Variants in PRDM16 observed in about 807,000 individuals in gnomAD.
PRDM16 encodes histone-lysine N-methyltransferase PRDM16.
A neutral mutation model predicts 110.6 loss-of-function variants in PRDM16; 23 were observed. That is an observed-to-expected ratio of 0.21 (90% CI 0.15 to 0.29). The LOEUF (loss-of-function observed/expected upper bound fraction) is 0.29, where lower values mean the gene tolerates loss of function less well. Ranked by LOEUF, PRDM16 falls within the 10% of genes least tolerant of loss-of-function variation. The probability of loss-of-function intolerance (pLI) is 1.00; values close to 1 mark genes in which losing one functional copy is unlikely to be tolerated. For synonymous variants in PRDM16, 799 were observed against 781.8 expected (o/e 1.02, Z -0.37); for missense variants, 1,615 against 1,794.3 (o/e 0.90, Z 1.81).
rs141816402 is a variant in PRDM16, at chr1:3,180,849, C to G, written c.38-5276C>G. Among the ~76,000 whole-genome samples the G allele has an allele frequency of 1.0e-3, 154 of 149,032 alleles. 1 individual carries two copies. Among genetic ancestry groups the G allele is most frequent in the African/African-American group, 3.8e-3 (150 of 39,548 alleles). ...CCCAACAGGGCCCTCTGCTTACACA[C>G]GCAGTCTTACGCACGGCCTTACACA... On this transcript the variant is annotated intron_variant, in intron 1 of 16. Coordinates refer to ENST00000270722, the MANE Select transcript of PRDM16 (RefSeq NM_022114.4).
chr1:3,235,911 G>A lies in PRDM16; in HGVS notation c.388-8176G>A, dbSNP rs145416291. ...CATCGAGCATGGCGGGGGAGTGGGG[G>A]TTGTGTGGTGGAGGAGCTGCGTCTT... On this transcript the variant is annotated intron_variant, in intron 2 of 16. Transcript: ENST00000270722. 7.6e-4 allele frequency among the ~76,000 whole-genome samples: 115 copies of A among 152,238 alleles called. 1 individual carries two copies. Among genetic ancestry groups the A allele is most frequent in the African/African-American group, 2.7e-3 (111 of 41,540 alleles).
chr1:3,204,541 G>A (rs1638709236), intron 2 of PRDM16, among the ~76,000 whole-genome samples: 7 of 152,180 alleles, frequency 4.6e-5, no homozygotes, highest in Admixed American at 4.6e-4. Flanking sequence ...TGTCCCAGGG[G>A]AGCCCGTGGC....
rs902075445 is a variant in PRDM16 at position 3,209,535 on chromosome 1, T to A, written c.387+23061T>A. Reference sequence around the variant, plus strand: ...ATAGGCCTCGCTGGGAGGCCGTGGTTCTGCTCCTGCACATTTCCAAAGGAA... The same window carrying A: ...ATAGGCCTCGCTGGGAGGCCGTGGTACTGCTCCTGCACATTTCCAAAGGAA... On this transcript the variant is annotated intron_variant, in intron 2 of 16. Transcript: ENST00000270722. This position sits in a 1 kb window ranked among gnomAD's most constrained non-coding sequence, Gnocchi z 4.6. 2.0e-5 allele frequency among the ~76,000 whole-genome samples: 3 copies of A among 152,180 alleles called. No individual in the cohort carries two copies. Among genetic ancestry groups the A allele is most frequent in the Non-Finnish European group, 4.4e-5 (3 of 68,014 alleles).
At position 3,243,052 on chromosome 1, in the gene PRDM16, G is replaced by A. The variant is rs185642037; in HGVS notation, c.388-1035G>A. Among the ~76,000 whole-genome samples, 1 of 152,294 alleles carries A rather than the reference G, an allele frequency of 6.6e-6. No individual in the cohort carries two copies. Among genetic ancestry groups the A allele is most frequent in the Non-Finnish European group, 1.5e-5 (1 of 68,024 alleles). On this transcript the variant is annotated intron_variant, in intron 2 of 16. Coordinates refer to ENST00000270722, the MANE Select transcript of PRDM16 (RefSeq NM_022114.4). This position sits in a 1 kb window ranked among gnomAD's most constrained non-coding sequence, Gnocchi z 5.5. ...TGGCTTTTAAGAGGAGACACCCGGC[G>A]AAATGCTCTCCAGAGCCAAAGAACG...
At position 3,175,720 on chromosome 1, in the gene PRDM16, G is replaced by A. The variant is rs375162406; in HGVS notation, c.38-10405G>A. 3.9e-5 allele frequency among the ~76,000 whole-genome samples: 6 copies of A among 152,262 alleles called. No individual in the cohort carries two copies. The highest frequency in any genetic ancestry group is 1.2e-4 in the African/African-American group (5 of 41,538). Reference sequence around the variant, plus strand: ...CATGGGTGCAGGGAGGGTGACAGCCGGTCAGCCCTGAAGAAGCAGCAGAGA... The same window carrying A: ...CATGGGTGCAGGGAGGGTGACAGCCAGTCAGCCCTGAAGAAGCAGCAGAGA... On this transcript the variant is annotated intron_variant, in intron 1 of 16. Transcript: ENST00000270722. The surrounding 1 kb of genome is among the most constrained non-coding windows in gnomAD (Gnocchi z 4.8).
intron 3 of PRDM16, among the ~76,000 whole-genome samples, chr1:3,377,221 A>G (rs1479751347): frequency 1.3e-5 from 2 of 152,166 alleles, no homozygotes; most frequent in Non-Finnish European, 1.5e-5. Flanking sequence ...GGTGGACTCC[A>G]TGGCCATGGG....
At chr1:3,254,511 C>G (rs958267755) in intron 3 of PRDM16, among the ~76,000 whole-genome samples, 2 of 151,846 alleles carry the variant, frequency 1.3e-5, no homozygotes, top group African/African-American at 4.8e-5. Flanking sequence ...TCTTATATAC[C>G]AATAACAGAC....
chr1:3,410,758 C>T (rs569652117), intron 8 of PRDM16, among the ~76,000 whole-genome samples: 73 of 152,224 alleles, frequency 4.8e-4, no homozygotes, highest in African/African-American at 1.7e-3. Flanking sequence ...AAAGTGAAGA[C>T]GAAGGCAGGG....
chr1:3,411,344 A>T (rs1643682676), intron 8 of PRDM16, 40 bp from the exon 9 acceptor site: 1 of 1,568,758 alleles, frequency 6.4e-7, no homozygotes, highest in East Asian at 2.3e-5. Flanking sequence ...TTTCCCGGTC[A>T]TTTCATGCGG....
chr1:3,077,270 T>C (rs1292032997), intron 1 of PRDM16, among the ~76,000 whole-genome samples: 1 of 152,170 alleles, frequency 6.6e-6, no homozygotes, highest in African/African-American at 2.4e-5. Context: ...GCATCCCACA[T>C]CAGCCCCAGA....
intron 1 of PRDM16, among the ~76,000 whole-genome samples, chr1:3,082,996 C>T (rs1245080702): frequency 1.3e-5 from 2 of 152,184 alleles, no homozygotes; most frequent in Non-Finnish European, 2.9e-5. Context: ...AGATCGAGCC[C>T]CCCTGCTGGG....
chr1:3,412,947 G>A lies in PRDM16; in HGVS notation c.2603+147G>A, dbSNP rs986674169. 2.8e-5 allele frequency: 19 copies of A among 677,930 alleles called. No individual in the cohort carries two copies. The East Asian group carries it at 6.1e-4, about 22-fold the overall frequency. The allele number at this position is 677,930 out of a possible 1,614,324, so 42.0% of individuals were successfully genotyped here. On this transcript the variant is annotated intron_variant, in intron 9 of 16. Coordinates refer to ENST00000270722, the MANE Select transcript of PRDM16 (RefSeq NM_022114.4). The stretch of plus-strand genomic sequence containing the variant: ...ACTTCAGGAAGATGCCCCTGTTCTT[G>A]GGGGGGTCTGCACCCCTCAGGAGGG...
chr1:3,308,183 C>T (rs950285527), intron 3 of PRDM16: 2 of 152,288 alleles, frequency 1.3e-5, no homozygotes, highest in Non-Finnish European at 2.9e-5. Flanking sequence ...GGAAATCAGA[C>T]ACCAGTGTCT....
intron 1 of PRDM16, among the ~76,000 whole-genome samples, chr1:3,082,557 C>T (rs1642054432): frequency 1.3e-5 from 2 of 152,192 alleles, no homozygotes; most frequent in Admixed American, 1.3e-4. Context: ...AGAGCTGAGG[C>T]TGGGGGTGCA....
At chr1:3,185,774 C>CAGCT (rs1172512632) in intron 1 of PRDM16, among the ~76,000 whole-genome samples, 1 of 152,246 alleles carries the variant, frequency 6.6e-6, no homozygotes, top group Non-Finnish European at 1.5e-5. Flanking sequence ...AAGGCACAGG[C>CAGCT]AGCTCCTTCC....
At chr1:3,256,809 A>T (rs1424616007) in intron 3 of PRDM16, among the ~76,000 whole-genome samples, 1 of 152,168 alleles carries the variant, frequency 6.6e-6, no homozygotes, top group Non-Finnish European at 1.5e-5. Flanking sequence ...GTGAGCCGAG[A>T]TGGCACCACT....
chr1:3,340,264 C>T (rs976291912), intron 3 of PRDM16, among the ~76,000 whole-genome samples: 1 of 152,054 alleles, frequency 6.6e-6, no homozygotes, highest in Non-Finnish European at 1.5e-5. Context: ...ACCCCACGAG[C>T]CCACCCTCCA....
At chr1:3,172,790 G>A (rs531645677) in intron 1 of PRDM16, among the ~76,000 whole-genome samples, 2 of 152,356 alleles carry the variant, frequency 1.3e-5, no homozygotes, top group Non-Finnish European at 2.9e-5. Context: ...GGGGCTGGGG[G>A]AGGGGATGGA....
chr1:3,350,332 A>T lies in PRDM16; in HGVS notation c.439-34820A>T, dbSNP rs1005152315. Reference sequence around the variant, plus strand: ...GAGAGTGAGACCCTGTCTCAAAAAAATGAAAAGAAAAGATCTGGAAGTGGG... The same window carrying T: ...GAGAGTGAGACCCTGTCTCAAAAAATTGAAAAGAAAAGATCTGGAAGTGGG... On this transcript the variant is annotated intron_variant, in intron 3 of 16. Coordinates refer to ENST00000270722, the MANE Select transcript of PRDM16 (RefSeq NM_022114.4). The surrounding 1 kb of genome is among the most constrained non-coding windows in gnomAD (Gnocchi z 7.1). Among the ~76,000 whole-genome samples the T allele has an allele frequency of 6.6e-6, 1 of 152,154 alleles. No homozygotes were observed. Among genetic ancestry groups the T allele is most frequent in the African/African-American group, 2.4e-5 (1 of 41,442 alleles).
Sources: gnomAD v4.1 joint callset for allele counts (sites outside exome capture counted in the v4.1 genomes callset) on GRCh38, gnomAD v4.1.1 for gene constraint, Gnocchi (gnomAD v3.1) non-coding constraint, MANE v1.5 for transcripts, NCBI Gene and HGNC (gene_info 2026-07-23, HGNC 2026-07-21) for gene names.